CTBP2: variants seen among roughly 807,000 people sequenced by gnomAD.
CTBP2 encodes the protein C-terminal binding protein 2.
CTBP2 carries 30 observed loss-of-function variants against 80.3 expected under a neutral mutation model. The observed-to-expected ratio is 0.37, with a 90% CI of 0.28 to 0.51. The LOEUF (loss-of-function observed/expected upper bound fraction) is 0.51, where lower values mean the gene tolerates loss of function less well. Ranked by LOEUF, CTBP2 falls within the 20% of genes least tolerant of loss-of-function variation. The pLI is 0.93. For missense variants in CTBP2, 1,212 were observed against 1,375.3 expected (o/e 0.88, Z 1.88); for synonymous variants, 594 against 587.4 (o/e 1.01, Z -0.16).
chr10:125,003,172 C>A, intron 2 of CTBP2, 68 bp from the exon 5 acceptor site: 1 of 1,601,428 alleles, frequency 6.2e-7, no homozygotes, highest in Non-Finnish European at 8.5e-7. Context: ...CTTGGCCTGG[C>A]CCCCTGGCCC....
At chr10:125,057,881 G>C (rs933781052) in intron 2 of CTBP2, among the ~76,000 whole-genome samples, 3 of 152,144 alleles carry the variant, frequency 2.0e-5, no homozygotes, top group Admixed American at 6.5e-5. Context: ...CTCTGACGCA[G>C]GTCACAGGTC....
chr10:124,998,261 G>GT lies in CTBP2; in HGVS notation c.1979-92dup, dbSNP rs1953928497. On this transcript the variant is annotated intron_variant, in intron 3 of 8. Coordinates refer to ENST00000309035, the MANE Select transcript of CTBP2 (RefSeq NM_022802.3). ...TCCCAGCCCGCCCTCCTGAGACTCG[G>GT]TTGTTGGCACCGGGGGAGGCCCACC... 1.5e-5 allele frequency: 22 copies of GT among 1,421,256 alleles called. No homozygotes were observed. The South Asian group carries it at 2.5e-4, about 16-fold the overall frequency. The allele number at this position is 1,421,256 out of a possible 1,614,324, so 88.0% of individuals were successfully genotyped here.
At chr10:125,044,085 G>T (rs572188883) in intron 2 of CTBP2, among the ~76,000 whole-genome samples, 70 of 152,166 alleles carry the variant, frequency 4.6e-4, no homozygotes, top group Non-Finnish European at 6.5e-4. Flanking sequence ...TCCAATGCAG[G>T]AAGAAAAGAT....
At chr10:125,159,499 G>A (rs1448182673) in intron 1 of CTBP2, among the ~76,000 whole-genome samples, 2 of 147,564 alleles carry the variant, frequency 1.4e-5, no homozygotes, top group Non-Finnish European at 3.0e-5. Context: ...GGCAGTGGCG[G>A]CGGCGGCAGC....
At chr10:125,092,517 G>C (rs1848926323) in intron 2 of CTBP2, among the ~76,000 whole-genome samples, 1 of 152,138 alleles carries the variant, frequency 6.6e-6, no homozygotes, top group African/African-American at 2.4e-5. Flanking sequence ...TTACTTCATA[G>C]TCACAATCTA....
At chr10:125,122,762 AAG>A (rs1415280380) in intron 1 of CTBP2, 1 of 152,198 alleles carries the variant, frequency 6.6e-6, no homozygotes, top group Non-Finnish European at 1.5e-5. Context: ...GCGACGAGGT[AAG>A]AGGGGGCTGT....
At chr10:125,151,195 G>C (rs1448186382) in intron 1 of CTBP2, among the ~76,000 whole-genome samples, 2 of 152,078 alleles carry the variant, frequency 1.3e-5, no homozygotes, top group South Asian at 2.1e-4. Context: ...ACATAGAGGC[G>C]AACACAGAAA....
At chr10:125,137,438 C>T (rs1435995126) in intron 1 of CTBP2, among the ~76,000 whole-genome samples, 1 of 152,196 alleles carries the variant, frequency 6.6e-6, no homozygotes, top group Non-Finnish European at 1.5e-5. Flanking sequence ...CAACCAGTTC[C>T]CTCCAAGGAT....
chr10:124,992,871 A>G (rs1174724008), intron 7 of CTBP2, 59 bp from the exon 10 acceptor site: 3 of 1,289,348 alleles, frequency 2.3e-6, no homozygotes, highest in East Asian at 2.4e-5. Flanking sequence ...TAAGTTCAAC[A>G]TTACACCTGT....
rs185350413 is a variant in CTBP2 at position 125,145,054 on chromosome 10, G to A, written c.-206+15265C>T. ...TCTTCAAAGAATGAGGATGAGTACA[G>A]CAGAAATCCATATTCCAAGTTTCAA... On this transcript the variant is annotated intron_variant, in intron 1 of 10. Transcript: ENST00000337195. Among the ~76,000 whole-genome samples, 193 of 152,342 alleles carry A rather than the reference G, an allele frequency of 1.3e-3. 1 individual carries two copies. Among genetic ancestry groups the A allele is most frequent in the Admixed American group, 0.011 (162 of 15,304 alleles).
At chr10:125,050,894 G>A (rs1439089683) in intron 2 of CTBP2, among the ~76,000 whole-genome samples, 1 of 152,146 alleles carries the variant, frequency 6.6e-6, no homozygotes, top group East Asian at 1.9e-4. Context: ...ATAATGAACT[G>A]GGGTCCTCAC....
chr10:124,991,961 T>C (rs896356264), intron 8 of CTBP2, among the ~76,000 whole-genome samples: 1 of 151,128 alleles, frequency 6.6e-6, no homozygotes, highest in Non-Finnish European at 1.5e-5. Flanking sequence ...CCCTTCTCCC[T>C]GTGAGGGCTC....
intron 1 of CTBP2, among the ~76,000 whole-genome samples, chr10:125,113,433 T>C (rs964656141): frequency 2.0e-5 from 3 of 152,226 alleles, no homozygotes; most frequent in African/African-American, 7.2e-5. Flanking sequence ...CTTTGAAACA[T>C]AGTAGGGAAT....
At chr10:125,007,612 A>G (rs1955410681) in intron 1 of CTBP2, among the ~76,000 whole-genome samples, 1 of 152,202 alleles carries the variant, frequency 6.6e-6, no homozygotes, top group African/African-American at 2.4e-5. Context: ...ACAGGCAGAC[A>G]GGCCTGGAGT....
intron 1 of CTBP2, among the ~76,000 whole-genome samples, chr10:125,135,949 T>C (rs1856908866): frequency 6.6e-6 from 1 of 152,094 alleles, no homozygotes; most frequent in Non-Finnish European, 1.5e-5. Flanking sequence ...CTCCAGCCCA[T>C]CCCTTCCGGC....
At chr10:125,039,199 G>A in intron 2 of CTBP2, 44 bp from the exon 3 acceptor site, 3 of 669,568 alleles carry the variant, frequency 4.5e-6, no homozygotes, top group Admixed American at 5.9e-5. Context: ...GAGACCCTCT[G>A]GGCACAGGAC....
At chr10:125,115,332 A>G (rs891438359) in intron 1 of CTBP2, among the ~76,000 whole-genome samples, 1 of 152,202 alleles carries the variant, frequency 6.6e-6, no homozygotes, top group Admixed American at 6.5e-5. Flanking sequence ...TTACTGCTAA[A>G]AAGAGAAAAC....
At chr10:125,050,293 C>G (rs1404439045) in intron 2 of CTBP2, among the ~76,000 whole-genome samples, 1 of 152,210 alleles carries the variant, frequency 6.6e-6, no homozygotes, top group Non-Finnish European at 1.5e-5. Context: ...ATCCCTAACT[C>G]CAGAAAATCT....
chr10:125,097,299 T>A (rs1398134828), intron 2 of CTBP2, among the ~76,000 whole-genome samples: 1 of 152,212 alleles, frequency 6.6e-6, no homozygotes, highest in Non-Finnish European at 1.5e-5. Flanking sequence ...GTCTTTTAAA[T>A]CCAATTACAA....
Sources: gnomAD v4.1 joint callset for allele counts (sites outside exome capture counted in the v4.1 genomes callset) on GRCh38, gnomAD v4.1.1 for gene constraint, MANE v1.5 for transcripts, NCBI Gene and HGNC (gene_info 2026-07-23, HGNC 2026-07-21) for gene names.